The following OTOG variants were observed in gnomAD, a reference collection of about 807,000 sequenced individuals.
OTOG encodes the protein otogelin.
OTOG carries 296 observed loss-of-function variants against 313.8 expected under a neutral mutation model. That is an observed-to-expected ratio of 0.94 (90% CI 0.86 to 1.04). The LOEUF (loss-of-function observed/expected upper bound fraction) is 1.04, where lower values mean the gene tolerates loss of function less well. Among genes scored for constraint, OTOG ranks in the 50% least tolerant of loss-of-function variants. The probability of loss-of-function intolerance (pLI) is 0.00; values close to 1 mark genes in which losing one functional copy is unlikely to be tolerated. For synonymous variants in OTOG, 1,533 were observed against 1,554.9 expected, an observed-to-expected ratio of 0.99 and a Z score of 0.33; for missense variants, 3,948 against 3,840.1, an observed-to-expected ratio of 1.03 and a Z score of -0.74.
chr11:17,638,905 G>C, intron 48 of OTOG: 1 of 705,346 alleles, frequency 1.4e-6, no homozygotes, highest in South Asian at 1.6e-5. Context: ...AGACCAGCCT[G>C]GCCAAGACGG....
chr11:17,581,006 G>A (rs777126202), intron 23 of OTOG, among the ~76,000 whole-genome samples: 9 of 152,222 alleles, frequency 5.9e-5, no homozygotes, highest in Non-Finnish European at 1.3e-4. Flanking sequence ...AAGATCAGTA[G>A]TTTTTGAAGA....
At chr11:17,575,733 C>T (rs1852507864) in intron 20 of OTOG, among the ~76,000 whole-genome samples, 1 of 152,134 alleles carries the variant, frequency 6.6e-6, no homozygotes. Flanking sequence ...ATAGGCCTTC[C>T]CAAACTACAG....
At position 17,635,627 on chromosome 11, in the gene OTOG, G is replaced by T; in HGVS notation, c.7711G>T (p.Asp2571Tyr). The T allele has an allele frequency of 6.4e-7, 1 of 1,550,526 alleles. No homozygotes were observed. Among genetic ancestry groups the T allele is most frequent in the Non-Finnish European group, 8.7e-7 (1 of 1,146,936 alleles). ...SYFCACGDCPDSIPECQEGEA... is the reference protein window; with the variant it reads ...SYFCACGDCPYSIPECQEGEA... ...CCCCTCAGCCTGTGGTGACTGTCCA[G>T]ACTCCATCCCCGAATGTCAAGAAGG... Residue 2571 changes from aspartate (D) to tyrosine (Y), a missense_variant, in exon 47 of 56, where the codon GAC becomes TAC. By Grantham distance (160) the Asp-to-Tyr change is radical. Coordinates refer to ENST00000399397, the MANE Select transcript of OTOG (RefSeq NM_001292063.2).
intron 8 of OTOG, among the ~76,000 whole-genome samples, chr11:17,557,643 C>T (rs1852084344): frequency 6.6e-6 from 1 of 152,086 alleles, no homozygotes; most frequent in Admixed American, 6.5e-5. Context: ...GAGCAGAGGG[C>T]TAGAGACAGC....
chr11:17,617,936 A>G (rs1172240866), intron 39 of OTOG, among the ~76,000 whole-genome samples: 1 of 149,872 alleles, frequency 6.7e-6, no homozygotes, highest in African/African-American at 2.5e-5. Flanking sequence ...TTTTTGAGAC[A>G]GAGTCTCACT....
chr11:17,564,327 T>C (rs867017703), intron 15 of OTOG, among the ~76,000 whole-genome samples: 112 of 152,030 alleles, frequency 7.4e-4, no homozygotes, highest in African/African-American at 2.6e-3. Context: ...GTGGAAGAAA[T>C]AGTCCTATAG....
chr11:17,642,854 A>G (rs1848003589), intron 53 of OTOG, among the ~76,000 whole-genome samples: 1 of 152,186 alleles, frequency 6.6e-6, no homozygotes, highest in Admixed American at 6.5e-5. Flanking sequence ...ACACTCATAC[A>G]CACACCCACA....
chr11:17,620,356 T>C (rs1034962457), intron 39 of OTOG, among the ~76,000 whole-genome samples: 6 of 152,254 alleles, frequency 3.9e-5, no homozygotes, highest in Non-Finnish European at 8.8e-5. Flanking sequence ...ACCTTTTGTG[T>C]CTGGCTTCTT....
chr11:17,548,059 G>A, intron 2 of OTOG, 72 bp downstream of exon 2: 2 of 1,355,108 alleles, frequency 1.5e-6, no homozygotes, highest in Admixed American at 2.5e-5. Flanking sequence ...CGACCCCAGG[G>A]CTTTAGCACT....
chr11:17,558,777 T>A, intron 10 of OTOG, 133 bp downstream of exon 10: 1 of 1,013,670 alleles, frequency 9.9e-7, no homozygotes, highest in Non-Finnish European at 1.5e-6. Context: ...CTTATCTGCC[T>A]AGGTGGGACA....
chr11:17,618,777 TA>T (rs1308501810), intron 39 of OTOG, among the ~76,000 whole-genome samples: 3 of 152,214 alleles, frequency 2.0e-5, no homozygotes, highest in Non-Finnish European at 4.4e-5. Flanking sequence ...TTTGATGAAT[TA>T]ACTCTTTTAT....
In OTOG at chr11:17,610,953, T is replaced by C. The variant is rs923743309; in HGVS notation, c.5653T>C (p.Ser1885Pro). Residue 1885 changes from serine (S) to proline (P), a missense_variant, in exon 36 of 56, where the codon TCT becomes CCT. By Grantham distance (74) the Ser-to-Pro change is moderately conservative (BLOSUM62 -1). Coordinates refer to ENST00000399397, the MANE Select transcript of OTOG (RefSeq NM_001292063.2). ...GCTGCTGGGAGCCACATTGCCAACC[T>C]CTGGAGTCCTGCCTGTGGCTGAGGG... ...GLLLGATLPT[S>P]GVLPVAEGTA... 13 of 1,550,318 alleles carry C rather than the reference T, an allele frequency of 8.4e-6. No individual in the cohort carries two copies. The Admixed American group carries it at 2.2e-4, about 26-fold the overall frequency.
Position 17,609,807 on chromosome 11 carries a change from GC to G in OTOG, c.4511del (p.Pro1504HisfsTer6). 6.5e-7 allele frequency: 1 copy of G among 1,544,706 alleles called. No individual in the cohort carries two copies. On this transcript the variant is annotated frameshift_variant, in exon 36 of 56. Transcript: ENST00000399397. LOFTEE classifies it high-confidence loss of function. ...CCACAGGCCAGCCCTCACCCCAGCT[GC>G]CCCACTCACCACAGCCCTGAACCCA... is the stretch of plus-strand genomic sequence containing the variant. ...PTHRPALTPAAPLTTALNPPV... is the reference protein window; with the variant it reads ...PTHRPALTPAXPLTTALNPPV...
Position 17,606,046 on chromosome 11 carries a change from C to A in OTOG, c.4067C>A (p.Ser1356Tyr). ...CTGGAGTCCCTGGCCAAGCCCAGCT[C>A]CTTCCTCTATGTGTCGGGCGCGGTG... is the stretch of plus-strand genomic sequence containing the variant. ...VALESLAKPS[S>Y]FLYVSGAVLA... Residue 1356 changes from serine to tyrosine, a missense_variant, in exon 33 of 56, where the codon TCC becomes TAC. Physicochemically the swap from Ser to Tyr is moderately radical, Grantham distance 144. Coordinates refer to ENST00000399397, the MANE Select transcript of OTOG (RefSeq NM_001292063.2). 1 of 1,550,548 alleles carries A rather than the reference C, an allele frequency of 6.4e-7. No homozygotes were observed. Among genetic ancestry groups the A allele is most frequent in the Non-Finnish European group, 8.7e-7 (1 of 1,146,992 alleles).
chr11:17,568,778 TATAAAAA>T (rs1222125545), intron 15 of OTOG, among the ~76,000 whole-genome samples: 8 of 152,160 alleles, frequency 5.3e-5, no homozygotes, highest in Non-Finnish European at 8.8e-5. Flanking sequence ...TGAAATGAAT[TATAAAAA>T]CACCCACAAA....
At chr11:17,644,356 T>C (rs886439509) in intron 54 of OTOG, among the ~76,000 whole-genome samples, 5 of 152,254 alleles carry the variant, frequency 3.3e-5, no homozygotes, top group African/African-American at 7.2e-5. Context: ...CCAGAAGCCA[T>C]CTAGCTGGTG....
intron 51 of OTOG, 26 bp from the exon 52 acceptor site, chr11:17,641,821 G>T (rs1342999045): frequency 1.3e-6 from 2 of 1,521,906 alleles, no homozygotes; most frequent in Admixed American, 4.1e-5. Flanking sequence ...GCATCTGGCT[G>T]AGGCCCACCC....
At chr11:17,619,237 C>T (rs1372110010) in intron 39 of OTOG, among the ~76,000 whole-genome samples, 1 of 152,196 alleles carries the variant, frequency 6.6e-6, no homozygotes, top group South Asian at 2.1e-4. Context: ...CACGACTGCA[C>T]TCCAGCCTGG....
At chr11:17,621,249 A>G (rs1225425706) in intron 39 of OTOG, among the ~76,000 whole-genome samples, 2 of 152,132 alleles carry the variant, frequency 1.3e-5, no homozygotes, top group Non-Finnish European at 2.9e-5. Flanking sequence ...TAGTTATGCT[A>G]CTTGGAAACA....
Sources: allele counts gnomAD v4.1 joint callset (sites outside exome capture counted in the v4.1 genomes callset), GRCh38; gene constraint gnomAD v4.1.1; transcripts MANE v1.5; gene names NCBI Gene and HGNC (gene_info 2026-07-23, HGNC 2026-07-21).